SLC25A30: variants seen among roughly 807,000 people sequenced by gnomAD.
The protein encoded by SLC25A30 is solute carrier family 25 member 30.
SLC25A30 carries 29 observed loss-of-function variants against 42.7 expected under a neutral mutation model. The ratio of observed to expected loss-of-function variants is 0.68; its 90% CI spans 0.51 to 0.93. SLC25A30 has a LOEUF of 0.93. Ranked by LOEUF, SLC25A30 falls within the 40% of genes least tolerant of loss-of-function variation. The pLI, the probability that SLC25A30 is intolerant of heterozygous loss-of-function variation, is 0.00. For missense variants in SLC25A30, 300 were observed against 359.7 expected (o/e 0.83, Z 1.34); for synonymous variants, 124 against 131.0 (o/e 0.95, Z 0.37).
At chr13:45,425,892 C>G in the SLC25A30 span, among the ~76,000 whole-genome samples, 2 of 146,890 alleles carry the variant, frequency 1.4e-5, no homozygotes, top group Non-Finnish European at 3.0e-5. Context: ...AGGGTTTCAT[C>G]ATGTTGGCCA....
the SLC25A30 span, among the ~76,000 whole-genome samples, chr13:45,424,907 T>A: frequency 8.3e-5 from 5 of 60,120 alleles, no homozygotes; most frequent in Non-Finnish European, 1.1e-4. Context: ...TATATATAAA[T>A]ATATATAAAT....
intron 2 of SLC25A30, among the ~76,000 whole-genome samples, chr13:45,411,106 A>T (rs1882979651): frequency 6.9e-6 from 1 of 144,862 alleles, no homozygotes; most frequent in Non-Finnish European, 1.5e-5. Context: ...CACCTGGCTA[A>T]TTTTTTTTTT....
chr13:45,398,944 A>G lies in SLC25A30; in HGVS notation c.749T>C (p.Leu250Ser). The G allele has an allele frequency of 6.2e-7, 1 of 1,614,056 alleles. No homozygotes were observed. The highest frequency in any genetic ancestry group is 8.5e-7 in the Non-Finnish European group (1 of 1,179,978). The change falls in exon 8 of 10, where the codon TTA becomes TCA. Residue 250 changes from leucine to serine, a missense_variant. Coordinates refer to ENST00000519676, the MANE Select transcript of SLC25A30 (RefSeq NM_001010875.4). Reference sequence around the variant, plus strand: ...GAGACAGACATCTGCTCTTACCTGTAACAAGCAATCCAGGGTTCCTGTGTA... The same window carrying G: ...GAGACAGACATCTGCTCTTACCTGTGACAAGCAATCCAGGGTTCCTGTGTA... ...SGYTGTLDCL[L>S]QTWKNEGFFA...
At chr13:45,424,757 T>G in the SLC25A30 span, among the ~76,000 whole-genome samples, 2 of 57,168 alleles carry the variant, frequency 3.5e-5, no homozygotes, top group Non-Finnish European at 6.3e-5. Context: ...TCTATTTATA[T>G]AAATATATAA....
At chr13:45,420,568 C>A (rs1259511549), upstream of SLC25A30, among the ~76,000 whole-genome samples, 1 of 152,174 alleles carries the variant, frequency 6.6e-6, no homozygotes, top group East Asian at 1.9e-4. Flanking sequence ...TCCTGTAGAG[C>A]TTTTGGACAC....
intron 9 of SLC25A30, chr13:45,397,011 A>G (rs1881407127): frequency 2.2e-6 from 1 of 445,020 alleles, no homozygotes. Flanking sequence ...TCTAGAACAG[A>G]GTCTAACTAA....
intron 3 of SLC25A30, among the ~76,000 whole-genome samples, chr13:45,407,367 C>T (rs1882613873): frequency 6.6e-6 from 1 of 151,700 alleles, no homozygotes; most frequent in Non-Finnish European, 1.5e-5. Context: ...GAGTGAAACG[C>T]CATCTAAAAA....
upstream of SLC25A30, chr13:45,418,885 G>A (rs1883764251): frequency 1.4e-5 from 2 of 139,374 alleles, no homozygotes; most frequent in South Asian, 4.7e-4. Flanking sequence ...AGATTGCAGT[G>A]AGCAGAGAGC....
At chr13:45,427,712 G>A in the SLC25A30 span, among the ~76,000 whole-genome samples, 3 of 109,998 alleles carry the variant, frequency 2.7e-5, no homozygotes, top group African/African-American at 1.1e-4. Flanking sequence ...ACAGCAAAAG[G>A]GAAGTTTTCC....
At chr13:45,401,335 T>A in intron 6 of SLC25A30, 128 bp from the exon 7 acceptor site, 1 of 929,518 alleles carries the variant, frequency 1.1e-6, no homozygotes, top group Non-Finnish European at 1.6e-6. Flanking sequence ...GAGGCAGAAA[T>A]GTAGAGTGAC....
At chr13:45,427,194 A>G in the SLC25A30 span, among the ~76,000 whole-genome samples, 6 of 152,224 alleles carry the variant, frequency 3.9e-5, no homozygotes, top group Middle Eastern at 3.4e-3. Context: ...GCTGAACTGA[A>G]GAAGAGGCCA....
the SLC25A30 span, among the ~76,000 whole-genome samples, chr13:45,428,881 A>G: frequency 1.3e-5 from 2 of 151,874 alleles, no homozygotes; most frequent in Non-Finnish European, 2.9e-5. Flanking sequence ...AGAGAAACAA[A>G]TCACAGCTAA....
At position 45,411,458 on chromosome 13, in the gene SLC25A30, C is replaced by T; in HGVS notation, c.-33G>A. On this transcript the variant is annotated 5_prime_UTR_variant, in exon 2 of 10. An upstream start codon of the reference 5' UTR is lost. Coordinates refer to ENST00000519676, the MANE Select transcript of SLC25A30 (RefSeq NM_001010875.4). ...CTGTCTCTTCTTTGATTTATAGAAA[C>T]ATTGCCTCCAGTGCTGTTTTTCCTG... 5 of 1,611,912 alleles carry T rather than the reference C, an allele frequency of 3.1e-6. No homozygotes were observed. Among genetic ancestry groups the T allele is most frequent in the Non-Finnish European group, 3.4e-6 (4 of 1,178,312 alleles).
the SLC25A30 span, among the ~76,000 whole-genome samples, chr13:45,429,329 A>G: frequency 6.6e-6 from 1 of 151,910 alleles, no homozygotes; most frequent in South Asian, 2.1e-4. Context: ...TCAGCCTCCC[A>G]AAGTGCTAGG....
Position 45,394,193 on chromosome 13 carries a change from T to G in SLC25A30, c.*1781A>C. ...CCCTCTAGGGTTGCCCAGGGAGAGC[T>G]GGACTTTCATCTGAGTCTCAGCAAT... On this transcript the variant is annotated 3_prime_UTR_variant, in exon 10 of 10. Transcript: ENST00000519676. The G allele has an allele frequency of 1.0e-6, 1 of 985,358 alleles. No individual in the cohort carries two copies. Among genetic ancestry groups the G allele is most frequent in the Non-Finnish European group, 1.2e-6 (1 of 829,922 alleles). 61.0% of individuals were successfully genotyped at this position (985,358 alleles called of 1,614,324 possible). A position where few individuals can be genotyped will look rare whatever the true frequency, so the allele number is the denominator to read the frequency against.
At chr13:45,397,536 CA>C (rs966191453) in intron 8 of SLC25A30, 198 bp from the exon 9 acceptor site, 3,299 of 367,956 alleles carry the variant, frequency 9.0e-3, no homozygotes, top group South Asian at 0.013. Context: ...ACTAAAAATA[CA>C]AAAAAAAAAT....
At chr13:45,411,098 C>T (rs1435407052) in intron 2 of SLC25A30, among the ~76,000 whole-genome samples, 1 of 150,744 alleles carries the variant, frequency 6.6e-6, no homozygotes, top group East Asian at 2.0e-4. Flanking sequence ...TGCCACCACA[C>T]CTGGCTAATT....
the SLC25A30 span, among the ~76,000 whole-genome samples, chr13:45,426,685 C>T: frequency 6.6e-6 from 1 of 152,054 alleles, no homozygotes; most frequent in Admixed American, 6.6e-5. Flanking sequence ...TCAGGAAGAC[C>T]TCCTGACAGC....
At chr13:45,428,233 GAC>G in the SLC25A30 span, among the ~76,000 whole-genome samples, 326 of 148,362 alleles carry the variant, frequency 2.2e-3, 2 homozygotes, top group African/African-American at 7.9e-3. Flanking sequence ...TTTTTTTTGA[GAC>G]AGAGTCTCAC....
Sources: allele counts gnomAD v4.1 joint callset (sites outside exome capture counted in the v4.1 genomes callset), GRCh38; gene constraint gnomAD v4.1.1; transcripts MANE v1.5; gene names NCBI Gene and HGNC (gene_info 2026-07-23, HGNC 2026-07-21).